The following CDC42 variants were observed in gnomAD, a reference collection of about 807,000 sequenced individuals.
CDC42 encodes cell division cycle 42.
Under a neutral mutation model 20.8 loss-of-function variants are expected in CDC42, and 1 was observed. That is an observed-to-expected ratio of 0.05 (90% CI 0.02 to 0.23). The LOEUF (loss-of-function observed/expected upper bound fraction) is 0.23, where lower values mean the gene tolerates loss of function less well. CDC42 is among the 10% of genes least tolerant of loss of function. The pLI is 1.00. For missense variants in CDC42, 49 were observed against 227.9 expected, an observed-to-expected ratio of 0.21 and a Z score of 5.05; for synonymous variants, 72 against 84.8, an observed-to-expected ratio of 0.85 and a Z score of 0.83.
chr1:22,065,072 G>T (rs1295460719), intron 1 of CDC42, among the ~76,000 whole-genome samples: 1 of 152,224 alleles, frequency 6.6e-6, no homozygotes. Flanking sequence ...GACAACCTGT[G>T]ATGGTGATAC....
chr1:22,056,019 T>C (rs1471919437), intron 1 of CDC42, among the ~76,000 whole-genome samples: 1 of 152,196 alleles, frequency 6.6e-6, no homozygotes, highest in Non-Finnish European at 1.5e-5. Context: ...TGGAATTTTA[T>C]GGTAATGCCT....
intron 3 of CDC42, among the ~76,000 whole-genome samples, chr1:22,082,456 C>G (rs963206364): frequency 6.6e-6 from 1 of 152,138 alleles, no homozygotes; most frequent in African/African-American, 2.4e-5. Flanking sequence ...GTACCTAATT[C>G]CTCAGTGCTA....
At chr1:22,072,244 C>T (rs113070495) in intron 1 of CDC42, among the ~76,000 whole-genome samples, 1 of 151,710 alleles carries the variant, frequency 6.6e-6, no homozygotes, top group Non-Finnish European at 1.5e-5. Flanking sequence ...ACTACAGGCG[C>T]CTGCCACCAC....
intron 1 of CDC42, among the ~76,000 whole-genome samples, chr1:22,069,401 C>A (rs896374363): frequency 3.9e-5 from 6 of 151,942 alleles, no homozygotes; most frequent in Admixed American, 3.9e-4. Context: ...GTCTCGAACT[C>A]CTGACCTCAA....
intron 1 of CDC42, 33 bp from the exon 2 acceptor site, chr1:22,078,396 A>T: frequency 9.5e-7 from 1 of 1,057,706 alleles, no homozygotes; most frequent in Non-Finnish European, 1.4e-6. Context: ...ATATGTAAGT[A>T]TAAATAAACA....
At chr1:22,087,783 T>C (rs1419679992) in intron 5 of CDC42, among the ~76,000 whole-genome samples, 2 of 152,256 alleles carry the variant, frequency 1.3e-5, no homozygotes, top group Non-Finnish European at 2.9e-5. Flanking sequence ...TCATTCATTT[T>C]TATTGTGTTT....
In CDC42 at chr1:22,082,218, C is replaced by T. The variant is rs529022957; in HGVS notation, c.178+424C>T. ...AAAGCCTAGAGTTTCCTAAATATGC[C>T]TAAGGTTATAAGGTCATAAGCCATT... On this transcript the variant is annotated intron_variant, in intron 3 of 5. Coordinates refer to ENST00000656825, the MANE Select transcript of CDC42 (RefSeq NM_001791.4). Among the ~76,000 whole-genome samples, 167 of 150,844 alleles carry T rather than the reference C, an allele frequency of 1.1e-3. 1 individual carries two copies. The highest frequency in any genetic ancestry group is 3.8e-3 in the African/African-American group (158 of 41,422).
Position 22,096,718 on chromosome 1 carries a change from C to T in CDC42, c.*5201C>T, listed in dbSNP as rs1451884191. On this transcript the variant is annotated 3_prime_UTR_variant, in exon 6 of 6. Coordinates refer to ENST00000656825, the MANE Select transcript of CDC42 (RefSeq NM_001791.4). Reference sequence around the variant, plus strand: ...CCTGATGGGTATCTGGGCCACTGCCCAGGCCACACAGAGCCTTTGTGCAAA... The same window carrying T: ...CCTGATGGGTATCTGGGCCACTGCCTAGGCCACACAGAGCCTTTGTGCAAA... Among the ~76,000 whole-genome samples, 1 of 152,236 alleles carries T rather than the reference C, an allele frequency of 6.6e-6. No homozygotes were observed. The highest frequency in any genetic ancestry group is 6.5e-5 in the Admixed American group (1 of 15,286).
intron 3 of CDC42, among the ~76,000 whole-genome samples, chr1:22,084,948 T>C (rs907066687): frequency 6.6e-6 from 1 of 152,064 alleles, no homozygotes; most frequent in African/African-American, 2.4e-5. Context: ...TTATTTGAGC[T>C]AGGCTAGGCA....
At chr1:22,074,474 G>T (rs10917138) in intron 1 of CDC42, among the ~76,000 whole-genome samples, 1 of 152,094 alleles carries the variant, frequency 6.6e-6, no homozygotes, top group African/African-American at 2.4e-5. Flanking sequence ...TTAACATAGG[G>T]TATATGAACA....
chr1:22,090,742 A>G, intron 5 of CDC42: 1 of 985,000 alleles, frequency 1.0e-6, no homozygotes, highest in Non-Finnish European at 1.2e-6. Flanking sequence ...TTTTATTGTG[A>G]GGGAAATATA....
chr1:22,089,973 A>AT, intron 5 of CDC42: 2 of 1,614,016 alleles, frequency 1.2e-6, no homozygotes, highest in Non-Finnish European at 1.7e-6. Context: ...TGATGAGGCT[A>AT]TCCTAGCTGC....
chr1:22,089,589 A>G (rs1570044794), intron 5 of CDC42, among the ~76,000 whole-genome samples: 2 of 152,238 alleles, frequency 1.3e-5, no homozygotes, highest in Non-Finnish European at 1.5e-5. Context: ...TTGAACCTAG[A>G]AACACATAGC....
At chr1:22,088,622 A>G (rs1338297766) in intron 5 of CDC42, among the ~76,000 whole-genome samples, 1 of 152,206 alleles carries the variant, frequency 6.6e-6, no homozygotes, top group Non-Finnish European at 1.5e-5. Flanking sequence ...TCAAGCAAAG[A>G]TTAGTTTTGT....
intron 3 of CDC42, among the ~76,000 whole-genome samples, chr1:22,082,956 C>T (rs1184686784): frequency 5.3e-5 from 8 of 150,518 alleles, no homozygotes; most frequent in Non-Finnish European, 7.4e-5. Flanking sequence ...CTCGGCTCAC[C>T]GCAACCTCCG....
chr1:22,056,440 TTAATG>T (rs1288470927), intron 1 of CDC42, among the ~76,000 whole-genome samples: 1 of 152,242 alleles, frequency 6.6e-6, no homozygotes, highest in Non-Finnish European at 1.5e-5. Context: ...AATTATTCAC[TTAATG>T]TTTGTTTCCT....
chr1:22,066,715 GGAGA>G (rs1645427772), intron 1 of CDC42, among the ~76,000 whole-genome samples: 1 of 152,060 alleles, frequency 6.6e-6, no homozygotes, highest in Admixed American at 6.6e-5. Context: ...GCTGAGATCT[GGAGA>G]GTGAGAAGCC....
chr1:22,100,621 T>A lies in CDC42; in HGVS notation c.*9104T>A, dbSNP rs951243606. 1.3e-5 allele frequency: 2 copies of A among 152,194 alleles called. No individual in the cohort carries two copies. The highest frequency in any genetic ancestry group is 1.3e-4 in the Admixed American group (2 of 15,272). The allele number at this position is 152,194 out of a possible 1,614,324, so 9.4% of individuals were successfully genotyped here. A position where few individuals can be genotyped will look rare whatever the true frequency, so the allele number is the denominator to read the frequency against. The stretch of plus-strand genomic sequence containing the variant: ...AGAAGGTACTCATCTGTGAATGGGG[T>A]AGATAGCAGCTGTCTTCATCACTGT... On this transcript the variant is annotated 3_prime_UTR_variant, in exon 6 of 6. Coordinates refer to ENST00000656825, the MANE Select transcript of CDC42 (RefSeq NM_001791.4).
At chr1:22,090,132 CT>C in intron 5 of CDC42, 1 of 1,463,574 alleles carries the variant, frequency 6.8e-7, no homozygotes, top group Admixed American at 2.3e-5. Flanking sequence ...TTGAAAGCCT[CT>C]GCGTCTTTTT....
Sources: allele counts gnomAD v4.1 joint callset (sites outside exome capture counted in the v4.1 genomes callset), GRCh38; gene constraint gnomAD v4.1.1; transcripts MANE v1.5; gene names NCBI Gene and HGNC (gene_info 2026-07-23, HGNC 2026-07-21).